Variants in ANKS1B observed in about 807,000 individuals in gnomAD.
ANKS1B encodes ankyrin repeat and sterile alpha motif domain containing 1B.
Under a neutral mutation model 148.3 loss-of-function variants are expected in ANKS1B, and 36 were observed. That is an observed-to-expected ratio of 0.24 (90% CI 0.19 to 0.32). The LOEUF is 0.32. Among genes scored for constraint, ANKS1B ranks in the 10% least tolerant of loss-of-function variants. The pLI, the probability that ANKS1B is intolerant of heterozygous loss-of-function variation, is 1.00. For synonymous variants in ANKS1B, 542 were observed against 560.8 expected (o/e 0.97, Z 0.47); for missense variants, 1,157 against 1,542.6 (o/e 0.75, Z 4.19).
At chr12:99,052,626 G>A (rs978103811) in intron 17 of ANKS1B, among the ~76,000 whole-genome samples, 1 of 147,880 alleles carries the variant, frequency 6.8e-6, no homozygotes, top group African/African-American at 2.5e-5. Context: ...TACTCGGGAG[G>A]CTGAGGCAGG....
chr12:99,009,332 A>C (rs1015577476), intron 17 of ANKS1B, among the ~76,000 whole-genome samples: 4 of 152,204 alleles, frequency 2.6e-5, no homozygotes, highest in Non-Finnish European at 5.9e-5. Flanking sequence ...AATTTCTGAT[A>C]CCTGAATCTT....
chr12:98,879,279 T>C (rs1700157783), intron 17 of ANKS1B, among the ~76,000 whole-genome samples: 1 of 152,238 alleles, frequency 6.6e-6, no homozygotes. Context: ...TCTATGTGTC[T>C]ATCTAATATT....
At chr12:98,915,324 C>T (rs76522595) in intron 17 of ANKS1B, among the ~76,000 whole-genome samples, 2,303 of 151,806 alleles carry the variant, frequency 0.015, 50 homozygotes, top group African/African-American at 0.053. Flanking sequence ...TGATTTCAGA[C>T]TTCTAAGACT....
chr12:99,057,106 C>A (rs1176132898), intron 16 of ANKS1B, among the ~76,000 whole-genome samples: 2 of 152,162 alleles, frequency 1.3e-5, no homozygotes, highest in Non-Finnish European at 2.9e-5. Flanking sequence ...ACTCTCAATT[C>A]ATTTCTCTTC....
intron 17 of ANKS1B, among the ~76,000 whole-genome samples, chr12:98,945,940 T>C (rs968728443): frequency 1.3e-5 from 2 of 152,234 alleles, no homozygotes; most frequent in Admixed American, 6.5e-5. Context: ...TCTGTCTGGC[T>C]AAGGTTGAGG....
rs10695483 is a variant in ANKS1B, at chr12:98,848,743, G to GTTTTTTTTTTTTTTTTTTTTTT, written c.2779-16608_2779-16607insAAAAAAAAAAAAAAAAAAAAAA. On this transcript the variant is annotated intron_variant, in intron 17 of 26. Coordinates refer to ENST00000683438, the MANE Select transcript of ANKS1B (RefSeq NM_001352186.2). ...CTGGATTAATTTCTGTGTATGTGTGGTTTTTTTTTTTTTGAGACGGAGTCT... is the reference window on the plus strand; with the variant it reads ...CTGGATTAATTTCTGTGTATGTGTGGTTTTTTTTTTTTTTTTTTTTTTTTTTTTTTTTTTTGAGACGGAGTCT... Among the ~76,000 whole-genome samples the GTTTTTTTTTTTTTTTTTTTTTT allele has an allele frequency of 1.7e-4, 8 of 48,090 alleles. 2 individuals are homozygous for GTTTTTTTTTTTTTTTTTTTTTT. Among genetic ancestry groups the GTTTTTTTTTTTTTTTTTTTTTT allele is most frequent in the Non-Finnish European group, 2.1e-4 (6 of 28,346 alleles). 31.5% of individuals were successfully genotyped at this position (48,090 alleles called of 152,430 possible). A position where few individuals can be genotyped will look rare whatever the true frequency, so the allele number is the denominator to read the frequency against.
At chr12:99,606,758 C>T (rs1449633320) in intron 9 of ANKS1B, among the ~76,000 whole-genome samples, 3 of 152,042 alleles carry the variant, frequency 2.0e-5, no homozygotes, top group Non-Finnish European at 4.4e-5. Context: ...TCACATTTAC[C>T]TAACTGTATT....
At chr12:99,776,962 C>G (rs997737239) in intron 6 of ANKS1B, among the ~76,000 whole-genome samples, 1 of 152,044 alleles carries the variant, frequency 6.6e-6, no homozygotes, top group African/African-American at 2.4e-5. Flanking sequence ...GGATTACAAG[C>G]GTGAGCCACC....
chr12:99,382,118 T>G (rs2093662808), intron 12 of ANKS1B, among the ~76,000 whole-genome samples: 1 of 152,136 alleles, frequency 6.6e-6, no homozygotes, highest in African/African-American at 2.4e-5. Flanking sequence ...GAATGACCCA[T>G]GAGAGAAACT....
rs143027913 is a variant in ANKS1B at position 99,768,775 on chromosome 12, G to A, written c.1128+4147C>T. Among the ~76,000 whole-genome samples the A allele has an allele frequency of 4.2e-3, 599 of 142,372 alleles. 4 individuals carry two copies. Among genetic ancestry groups the A allele is most frequent in the African/African-American group, 0.015 (575 of 38,956 alleles). 93.4% of individuals were successfully genotyped at this position (142,372 alleles called of 152,430 possible). A position where few individuals can be genotyped will look rare whatever the true frequency, so the allele number is the denominator to read the frequency against. On this transcript the variant is annotated intron_variant, in intron 8 of 26. Transcript: ENST00000683438. ...CCGGAGGCGGAGGTTGCAGTGAGCC[G>A]AGATTGTACCACTGCACTCCAGCCT...
chr12:99,843,215 A>G lies in ANKS1B; in HGVS notation c.135-17826T>C, dbSNP rs545437358. Among the ~76,000 whole-genome samples the G allele has an allele frequency of 2.0e-5, 3 of 152,300 alleles. No individual in the cohort carries two copies. In the South Asian group the frequency reaches 6.2e-4, roughly 32 times the overall value. On this transcript the variant is annotated intron_variant, in intron 1 of 26. Coordinates refer to ENST00000683438, the MANE Select transcript of ANKS1B (RefSeq NM_001352186.2). ...ATTTAGGTTTTCTAATTTGTTGACT[A>G]GAAATCACACATATTTTTAAATCTG...
intron 17 of ANKS1B, among the ~76,000 whole-genome samples, chr12:98,925,933 AT>A (rs1233663976): frequency 1.3e-5 from 2 of 152,172 alleles, no homozygotes; most frequent in African/African-American, 4.8e-5. Context: ...AGTGACACTA[AT>A]TGAAACTAAA....
At chr12:99,143,625 G>A (rs998550803) in intron 15 of ANKS1B, among the ~76,000 whole-genome samples, 2 of 152,064 alleles carry the variant, frequency 1.3e-5, no homozygotes, top group African/African-American at 4.8e-5. Context: ...GTTTGATGTG[G>A]TGTCTCCTGC....
intron 17 of ANKS1B, among the ~76,000 whole-genome samples, chr12:98,858,985 C>T (rs2099585659): frequency 6.6e-6 from 1 of 152,172 alleles, no homozygotes; most frequent in African/African-American, 2.4e-5. Context: ...GTTGTTGTGT[C>T]TTTCTAAGAT....
chr12:99,024,990 T>G (rs542426031), intron 17 of ANKS1B, among the ~76,000 whole-genome samples: 16 of 152,206 alleles, frequency 1.1e-4, no homozygotes, highest in Non-Finnish European at 2.1e-4. Flanking sequence ...ATTCTAGTTT[T>G]GGTTTTCCTC....
chr12:98,910,000 C>T (rs1053340037), intron 17 of ANKS1B, among the ~76,000 whole-genome samples: 1 of 152,210 alleles, frequency 6.6e-6, no homozygotes, highest in African/African-American at 2.4e-5. Flanking sequence ...GGTGCTGATC[C>T]ATCAGGCTAA....
rs566914045 is a variant in ANKS1B, at chr12:99,551,944, C to G, written c.1273-47303G>C. Among the ~76,000 whole-genome samples the G allele has an allele frequency of 1.4e-4, 21 of 152,218 alleles. No homozygotes were observed. In the East Asian group the frequency reaches 3.9e-3, roughly 28 times the overall value. ...CTCCAGATTTAAGGGCCACCTCCCC[C>G]CACCACACACACACATCTGAAACAC... On this transcript the variant is annotated intron_variant, in intron 9 of 26. Transcript: ENST00000683438.
At chr12:98,921,819 T>C (rs1567797761) in intron 17 of ANKS1B, among the ~76,000 whole-genome samples, 1 of 152,230 alleles carries the variant, frequency 6.6e-6, no homozygotes, top group Non-Finnish European at 1.5e-5. Context: ...AGGTTTTTCA[T>C]ATTTATTAAT....
intron 10 of ANKS1B, among the ~76,000 whole-genome samples, chr12:99,471,899 C>T (rs1258374089): frequency 2.6e-5 from 4 of 152,050 alleles, no homozygotes. Context: ...ATGAAATGCC[C>T]TGTTTTTGCT....
Sources: gnomAD v4.1 joint callset for allele counts (sites outside exome capture counted in the v4.1 genomes callset) on GRCh38, gnomAD v4.1.1 for gene constraint, MANE v1.5 for transcripts, NCBI Gene and HGNC (gene_info 2026-07-23, HGNC 2026-07-21) for gene names.